Variants in MAMLD1 observed in about 807,000 individuals in gnomAD.
MAMLD1 encodes mastermind like domain containing 1, also known as mastermind-like domain-containing protein 1.
A neutral mutation model predicts 45.0 loss-of-function variants in MAMLD1; 14 were observed. That is an observed-to-expected ratio of 0.31 (90% confidence interval 0.21 to 0.49). MAMLD1 has a LOEUF of 0.49. MAMLD1 is among the 20% of genes least tolerant of loss of function. MAMLD1 has a pLI of 0.99. For missense variants in MAMLD1, 543 were observed against 603.6 expected, an observed-to-expected ratio of 0.90 and a Z score of 1.05; for synonymous variants, 254 against 247.8, an observed-to-expected ratio of 1.02 and a Z score of -0.24.
chrX:150,479,743 C>T (rs1018375294), intron 5 of MAMLD1, among the ~76,000 whole-genome samples: 2 of 111,903 alleles, frequency 1.8e-5, no homozygotes, highest in Non-Finnish European at 3.8e-5. Flanking sequence ...CCATATGGAG[C>T]GAGCAGTCCA....
At chrX:150,365,719 G>T (rs1343463051) in intron 1 of MAMLD1, among the ~76,000 whole-genome samples, 1 of 111,973 alleles carries the variant, frequency 8.9e-6, no homozygotes. Flanking sequence ...CAAACTCTCC[G>T]AGCGCCCTTT....
intron 1 of MAMLD1, among the ~76,000 whole-genome samples, chrX:150,434,236 G>T (rs2035045608): frequency 9.1e-6 from 1 of 109,891 alleles, no homozygotes; most frequent in Admixed American, 9.7e-5. Flanking sequence ...ATTTCTGTTG[G>T]GTCAGTGATA....
intron 5 of MAMLD1, among the ~76,000 whole-genome samples, chrX:150,476,828 G>T (rs782003550): frequency 8.8e-6 from 1 of 113,246 alleles, no homozygotes; most frequent in African/African-American, 3.2e-5. Flanking sequence ...TTAGGCAGTC[G>T]TGAGCACCAG....
intron 1 of MAMLD1, among the ~76,000 whole-genome samples, chrX:150,426,697 A>G (rs1286312598): frequency 1.8e-5 from 2 of 111,059 alleles, no homozygotes; most frequent in Non-Finnish European, 3.8e-5. Context: ...CTCTGGGCTC[A>G]GGATCTCAGG....
intron 5 of MAMLD1, among the ~76,000 whole-genome samples, chrX:150,481,970 AAGAAAGAAAG>A (rs1469219561): frequency 1.7e-5 from 1 of 59,774 alleles, no homozygotes; most frequent in Non-Finnish European, 3.1e-5. Flanking sequence ...AGAAAAAAGA[AAGAAAGAAAG>A]AAAGAAAGAA....
chrX:150,486,528 A>C (rs1930665), intron 5 of MAMLD1, among the ~76,000 whole-genome samples: 50,672 of 110,457 alleles, frequency 0.46, 8,576 homozygotes, highest in Admixed American at 0.56. Flanking sequence ...GAGAAGGAAG[A>C]CTTAGTGCTG....
chrX:150,506,976 G>A (rs782805892), intron 6 of MAMLD1, among the ~76,000 whole-genome samples: 1 of 112,546 alleles, frequency 8.9e-6, no homozygotes, highest in Non-Finnish European at 1.9e-5. Context: ...GTGGTCCCTT[G>A]TCTGACAGTG....
At chrX:150,489,850 G>A (rs2037125934) in intron 5 of MAMLD1, among the ~76,000 whole-genome samples, 1 of 111,136 alleles carries the variant, frequency 9.0e-6, no homozygotes, top group African/African-American at 3.3e-5. Context: ...AGCAAGAGAA[G>A]GTGGGGAGAG....
chrX:150,463,397 T>C (rs957049183), intron 3 of MAMLD1, among the ~76,000 whole-genome samples: 12 of 112,113 alleles, frequency 1.1e-4, no homozygotes, highest in African/African-American at 3.9e-4. Context: ...GCAGCCCGTC[T>C]TGAAGGGCCC....
rs782330913 is a variant in MAMLD1 at position 150,503,308 on chromosome X, C to A, written c.2075C>A (p.Ala692Asp). The A allele has an allele frequency of 4.4e-5, 53 of 1,210,679 alleles. 1 individual carries two copies. The South Asian group carries it at 7.9e-4, about 18-fold the overall frequency. The change falls in exon 6 of 8, where the codon GCC becomes GAC. Residue 692 changes from alanine (A) to aspartate (D), a missense_variant. By Grantham distance (126) the Ala-to-Asp change is moderately radical. Coordinates refer to ENST00000370401, the MANE Select transcript of MAMLD1 (RefSeq NM_005491.5). ...HVDKACKLGE[A>D]RHPQVSLGRQ... ...GACAAAGCCTGCAAGCTTGGGGAAG[C>A]CAGGCACCCCCAGGTCAGCCTCGGG...
At chrX:150,424,605 T>C (rs782805512) in intron 1 of MAMLD1, among the ~76,000 whole-genome samples, 5 of 112,238 alleles carry the variant, frequency 4.5e-5, no homozygotes, top group South Asian at 7.4e-4. Flanking sequence ...TGGTAGAGGG[T>C]ATAAACATTT....
chrX:150,452,594 C>A (rs1475427396), intron 2 of MAMLD1, among the ~76,000 whole-genome samples: 1 of 74,136 alleles, frequency 1.3e-5, no homozygotes, highest in East Asian at 9.1e-4. Context: ...TTTCTCTCCT[C>A]TCTTTTTTTT....
intron 1 of MAMLD1, among the ~76,000 whole-genome samples, chrX:150,421,981 A>C (rs2034532207): frequency 2.7e-5 from 3 of 112,300 alleles, no homozygotes; most frequent in Admixed American, 1.9e-4. Flanking sequence ...GTGGATGACC[A>C]TAGAGGAAAG....
At chrX:150,450,676 A>G (rs2035633248) in intron 2 of MAMLD1, among the ~76,000 whole-genome samples, 1 of 110,867 alleles carries the variant, frequency 9.0e-6, no homozygotes, top group Non-Finnish European at 1.9e-5. Flanking sequence ...CACTGCTGTG[A>G]GCACTTTTTT....
intron 1 of MAMLD1, among the ~76,000 whole-genome samples, chrX:150,402,968 TGCTA>T (rs2033848803): frequency 9.1e-6 from 1 of 110,411 alleles, no homozygotes; most frequent in Non-Finnish European, 1.9e-5. Context: ...ATATACCTAA[TGCTA>T]GATGACGAGT....
intron 5 of MAMLD1, among the ~76,000 whole-genome samples, chrX:150,479,806 T>C (rs2036697361): frequency 8.9e-6 from 1 of 112,059 alleles, no homozygotes; most frequent in Non-Finnish European, 1.9e-5. Flanking sequence ...CTACTACTAC[T>C]ATGTCCCCAG....
chrX:150,426,738 G>A (rs1161953574), intron 1 of MAMLD1, among the ~76,000 whole-genome samples: 1 of 110,561 alleles, frequency 9.0e-6, no homozygotes, highest in Non-Finnish European at 1.9e-5. Flanking sequence ...CATAATGAGA[G>A]ATGGTCAGTC....
intron 1 of MAMLD1, among the ~76,000 whole-genome samples, chrX:150,414,015 C>G (rs1391963430): frequency 9.1e-5 from 2 of 21,985 alleles, no homozygotes; most frequent in African/African-American, 3.4e-4. Context: ...CATTAAGGAA[C>G]CACAGAAAAC....
chrX:150,471,618 G>C, intron 4 of MAMLD1, 128 bp downstream of exon 4: 1 of 1,051,418 alleles, frequency 9.5e-7, no homozygotes, highest in South Asian at 2.0e-5. Flanking sequence ...AAAAGACTCT[G>C]AAAAAGTCTA....
Sources: allele counts gnomAD v4.1 joint callset (sites outside exome capture counted in the v4.1 genomes callset), GRCh38; gene constraint gnomAD v4.1.1; transcripts MANE v1.5; gene names NCBI Gene and HGNC (gene_info 2026-07-23, HGNC 2026-07-21).